APBB2: variants seen among roughly 807,000 people sequenced by gnomAD.
APBB2 encodes amyloid beta precursor protein binding family B member 2.
A neutral mutation model predicts 82.5 loss-of-function variants in APBB2; 38 were observed. The ratio of observed to expected loss-of-function variants is 0.46; its 90% CI spans 0.36 to 0.60. The LOEUF (loss-of-function observed/expected upper bound fraction) is 0.60. Among genes scored for constraint, APBB2 ranks in the 20% least tolerant of loss-of-function variants. APBB2 has a pLI of 0.00. For synonymous variants in APBB2, 341 were observed against 368.2 expected, an observed-to-expected ratio of 0.93 and a Z score of 0.85; for missense variants, 772 against 972.3, an observed-to-expected ratio of 0.79 and a Z score of 2.74.
At chr4:41,024,974 C>A (rs111425430) in intron 5 of APBB2, among the ~76,000 whole-genome samples, 1 of 152,202 alleles carries the variant, frequency 6.6e-6, no homozygotes, top group African/African-American at 2.4e-5. Flanking sequence ...CACGCCACTA[C>A]GATTCGCGCC....
intron 12 of APBB2, chr4:40,849,015 C>A: frequency 2.2e-6 from 1 of 461,436 alleles, no homozygotes; most frequent in Non-Finnish European, 2.8e-6. Context: ...AGTAGGCAAT[C>A]AATCAATATT....
At chr4:41,027,072 T>G (rs1714565759) in intron 5 of APBB2, among the ~76,000 whole-genome samples, 1 of 152,186 alleles carries the variant, frequency 6.6e-6, no homozygotes, top group Non-Finnish European at 1.5e-5. Flanking sequence ...GTTTCATTTC[T>G]TCCCTACTAT....
chr4:41,000,077 G>GTA (rs1804783881), intron 6 of APBB2, among the ~76,000 whole-genome samples: 1 of 132,672 alleles, frequency 7.5e-6, no homozygotes, highest in Non-Finnish European at 1.6e-5. Flanking sequence ...GTATGTGTGT[G>GTA]TGTGTGTGTG....
chr4:41,085,324 A>G (rs940856736), intron 3 of APBB2, among the ~76,000 whole-genome samples: 12 of 152,082 alleles, frequency 7.9e-5, no homozygotes, highest in East Asian at 3.9e-4. Flanking sequence ...CTGAATTACA[A>G]TAACATCAAA....
chr4:40,837,786 A>T (rs1754472085), intron 12 of APBB2, among the ~76,000 whole-genome samples: 1 of 152,176 alleles, frequency 6.6e-6, no homozygotes, highest in Non-Finnish European at 1.5e-5. Context: ...GAAGGGTTAT[A>T]GCTATAGTTT....
intron 2 of APBB2, among the ~76,000 whole-genome samples, chr4:41,107,950 G>A (rs1197640433): frequency 2.0e-5 from 3 of 152,150 alleles, no homozygotes; most frequent in South Asian, 2.1e-4. Context: ...CAGTATTAGG[G>A]TAACAGGTGA....
intron 12 of APBB2, among the ~76,000 whole-genome samples, chr4:40,866,023 C>T (rs1398087195): frequency 6.6e-6 from 1 of 152,364 alleles, no homozygotes. Flanking sequence ...CAAAACGGTG[C>T]ACCTCCTCAG....
At chr4:40,982,227 AAAGAAAG>A (rs1560445284) in intron 6 of APBB2, among the ~76,000 whole-genome samples, 45 of 3,928 alleles carry the variant, frequency 0.011, no homozygotes, top group African/African-American at 0.024. Flanking sequence ...GAAAGGAAAG[AAAGAAAG>A]AAAGAAAGAA....
intron 2 of APBB2, among the ~76,000 whole-genome samples, chr4:41,138,401 T>C (rs1758182090): frequency 6.6e-6 from 1 of 152,202 alleles, no homozygotes; most frequent in Admixed American, 6.5e-5. Context: ...GATTAAAATT[T>C]ACAGTATTTC....
intron 1 of APBB2, among the ~76,000 whole-genome samples, chr4:41,204,449 G>A (rs1023895013): frequency 6.6e-6 from 1 of 152,186 alleles, no homozygotes; most frequent in Non-Finnish European, 1.5e-5. Flanking sequence ...GGGAGCTAGA[G>A]TCAGGGTGCC....
chr4:41,001,505 C>G (rs1805220163), intron 6 of APBB2, among the ~76,000 whole-genome samples: 2 of 152,180 alleles, frequency 1.3e-5, no homozygotes, highest in Non-Finnish European at 2.9e-5. Context: ...TATCAACTAA[C>G]AACATCTAAT....
chr4:40,908,788 A>C (rs924409169), intron 10 of APBB2, among the ~76,000 whole-genome samples: 2 of 152,184 alleles, frequency 1.3e-5, no homozygotes, highest in Non-Finnish European at 2.9e-5. Context: ...CAGAGCCGAC[A>C]ATGGGGGAGC....
At chr4:40,886,550 G>A (rs908017832) in intron 12 of APBB2, among the ~76,000 whole-genome samples, 1 of 152,166 alleles carries the variant, frequency 6.6e-6, no homozygotes, top group African/African-American at 2.4e-5. Flanking sequence ...AGAATAAGGA[G>A]GAAGGTGCTC....
At chr4:40,836,774 A>G (rs1448950132) in intron 12 of APBB2, among the ~76,000 whole-genome samples, 1 of 152,172 alleles carries the variant, frequency 6.6e-6, no homozygotes, top group Non-Finnish European at 1.5e-5. Context: ...TACCTGGGAG[A>G]AGGAGTTTGG....
rs528990875 is a variant in APBB2 at position 40,975,451 on chromosome 4, C to T, written c.836-30378G>A. 1.2e-3 allele frequency among the ~76,000 whole-genome samples: 177 copies of T among 152,212 alleles called. 1 individual carries two copies. The highest frequency in any genetic ancestry group is 3.9e-3 in the African/African-American group (163 of 41,530). On this transcript the variant is annotated intron_variant, in intron 6 of 17. Transcript: ENST00000508593. ...GAGTACTAATCACAACCATTTTTGTCTAATTTTGTGTTTAATTATTGTCTG... is the reference window on the plus strand; with the variant it reads ...GAGTACTAATCACAACCATTTTTGTTTAATTTTGTGTTTAATTATTGTCTG...
chr4:41,111,944 G>C (rs1274096062), intron 2 of APBB2, among the ~76,000 whole-genome samples: 1 of 152,146 alleles, frequency 6.6e-6, no homozygotes, highest in Non-Finnish European at 1.5e-5. Flanking sequence ...CAAATTAAGG[G>C]CAGATAGAAA....
chr4:41,157,170 C>T (rs1377590322), intron 1 of APBB2, among the ~76,000 whole-genome samples: 1 of 152,080 alleles, frequency 6.6e-6, no homozygotes, highest in East Asian at 1.9e-4. Flanking sequence ...TGGCACACAG[C>T]AAGTGGCGAT....
intron 3 of APBB2, among the ~76,000 whole-genome samples, chr4:41,076,414 C>T (rs1316383417): frequency 1.3e-5 from 2 of 152,052 alleles, no homozygotes; most frequent in Non-Finnish European, 2.9e-5. Flanking sequence ...GATCTGCACT[C>T]GGGGACACTA....
At chr4:41,183,772 A>G (rs1580693306) in intron 1 of APBB2, among the ~76,000 whole-genome samples, 1 of 134,782 alleles carries the variant, frequency 7.4e-6, no homozygotes, top group Admixed American at 7.9e-5. Context: ...GTTGTCCCCA[A>G]CCTTTTTGGC....
Sources: allele counts gnomAD v4.1 joint callset (sites outside exome capture counted in the v4.1 genomes callset), GRCh38; gene constraint gnomAD v4.1.1; transcripts MANE v1.5; gene names NCBI Gene and HGNC (gene_info 2026-07-23, HGNC 2026-07-21).